Variants in DPH6 observed in about 807,000 individuals in gnomAD.
The protein encoded by DPH6 is diphthamine biosynthesis 6.
In DPH6, 33 loss-of-function variants were observed where a neutral mutation model predicts 38.2. The ratio of observed to expected loss-of-function variants is 0.86; its 90% CI spans 0.65 to 1.15. The LOEUF (loss-of-function observed/expected upper bound fraction) is 1.15, where lower values mean the gene tolerates loss of function less well. Among genes scored for constraint, DPH6 ranks in the 50% most tolerant of loss-of-function variants. The pLI, the probability that DPH6 is intolerant of heterozygous loss-of-function variation, is 0.00. For synonymous variants in DPH6, 108 were observed against 103.0 expected (o/e 1.05, Z -0.30); for missense variants, 325 against 320.0 (o/e 1.02, Z -0.12).
chr15:35,534,348 G>A (rs1365911281), intron 3 of DPH6, among the ~76,000 whole-genome samples: 5 of 138,872 alleles, frequency 3.6e-5, no homozygotes, highest in Admixed American at 7.8e-5. Context: ...TTGCTCTCCA[G>A]CCTGGGCAAC....
chr15:35,164,205 T>G, the DPH6 span, among the ~76,000 whole-genome samples: 1 of 151,862 alleles, frequency 6.6e-6, no homozygotes, highest in African/African-American at 2.4e-5. Context: ...GTTGTTTGAT[T>G]GGACTCTTTG....
intron 3 of DPH6, among the ~76,000 whole-genome samples, chr15:35,496,563 A>ATATATATATATAT (rs1555406393): frequency 3.8e-3 from 60 of 15,986 alleles, no homozygotes; most frequent in South Asian, 0.014. Context: ...CTCAAAAAAA[A>ATATATATATATAT]AAAAATATAT....
At chr15:35,246,131 G>A (rs1423403472) in intron 3 of DPH6, among the ~76,000 whole-genome samples, 1 of 151,898 alleles carries the variant, frequency 6.6e-6, no homozygotes, top group Non-Finnish European at 1.5e-5. Context: ...CCTATAAAAC[G>A]GCCCCACCCC....
At chr15:35,536,983 A>G (rs1259597023) in intron 3 of DPH6, among the ~76,000 whole-genome samples, 1 of 152,090 alleles carries the variant, frequency 6.6e-6, no homozygotes, top group Non-Finnish European at 1.5e-5. Context: ...TTCTTATGCT[A>G]TCTATAACTA....
chr15:35,161,733 T>C, the DPH6 span, among the ~76,000 whole-genome samples: 1 of 151,880 alleles, frequency 6.6e-6, no homozygotes, highest in Admixed American at 6.6e-5. Context: ...TCTTTCTCTC[T>C]CTGCCATGTG....
chr15:35,515,722 GA>G (rs61568573), intron 3 of DPH6, among the ~76,000 whole-genome samples: 9,435 of 77,692 alleles, frequency 0.12, 597 homozygotes, highest in African/African-American at 0.26. Context: ...CTCCGTCTCA[GA>G]AAAAAAAAAA....
chr15:35,167,068 T>C, the DPH6 span, among the ~76,000 whole-genome samples: 106,402 of 151,874 alleles, frequency 0.7, 38,037 homozygotes, highest in Middle Eastern at 0.8. Flanking sequence ...TATACCCAGA[T>C]TAGGGAAATC....
intron 3 of DPH6, among the ~76,000 whole-genome samples, chr15:35,537,020 G>A (rs74385957): frequency 3.3e-5 from 5 of 151,840 alleles, no homozygotes; most frequent in African/African-American, 1.2e-4. Flanking sequence ...ACTACTCTAA[G>A]GGTTTTTCTT....
chr15:35,311,120 T>C (rs1413980232), intron 3 of DPH6, among the ~76,000 whole-genome samples: 1 of 151,258 alleles, frequency 6.6e-6, no homozygotes, highest in Non-Finnish European at 1.5e-5. Context: ...TAAGTTATAC[T>C]AAAAGAGATT....
chr15:35,198,111 T>A, the DPH6 span, among the ~76,000 whole-genome samples: 1 of 151,880 alleles, frequency 6.6e-6, no homozygotes, highest in Non-Finnish European at 1.5e-5. Context: ...TTAGTGAGTA[T>A]GCAATATGAT....
chr15:35,423,497 C>T (rs923891812), intron 5 of DPH6, among the ~76,000 whole-genome samples: 4 of 151,596 alleles, frequency 2.6e-5, no homozygotes, highest in Non-Finnish European at 3.0e-5. Context: ...CCCCAGGTTG[C>T]CTTTTCACTC....
At chr15:35,296,122 G>T (rs2052013073) in intron 3 of DPH6, among the ~76,000 whole-genome samples, 1 of 151,930 alleles carries the variant, frequency 6.6e-6, no homozygotes, top group Non-Finnish European at 1.5e-5. Flanking sequence ...TGTATTTTTA[G>T]TAGAGATGGG....
intron 3 of DPH6, among the ~76,000 whole-genome samples, chr15:35,525,722 C>A (rs1006021386): frequency 1.3e-5 from 2 of 152,074 alleles, no homozygotes; most frequent in Non-Finnish European, 2.9e-5. Flanking sequence ...CACCTGTAGT[C>A]CCAGATATGC....
chr15:35,437,493 A>C (rs1375316983), intron 5 of DPH6, among the ~76,000 whole-genome samples: 1 of 152,176 alleles, frequency 6.6e-6, no homozygotes, highest in African/African-American at 2.4e-5. Context: ...CAAAAGAGTA[A>C]ACTTTTTTCT....
intron 3 of DPH6, among the ~76,000 whole-genome samples, chr15:35,224,100 GTTTTTTTTTTT>G (rs142813866): frequency 0.026 from 2,323 of 89,016 alleles, 71 homozygotes; most frequent in African/African-American, 0.088. Context: ...CATGATTTTA[GTTTTTTTTTTT>G]TTTTTTTTTT....
intron 3 of DPH6, among the ~76,000 whole-genome samples, chr15:35,458,267 T>C (rs1029243412): frequency 6.6e-6 from 1 of 152,120 alleles, no homozygotes; most frequent in Non-Finnish European, 1.5e-5. Flanking sequence ...CTCTTTCATT[T>C]TGATGGACAA....
intron 3 of DPH6, among the ~76,000 whole-genome samples, chr15:35,259,117 C>A (rs945238330): frequency 2.0e-5 from 3 of 148,690 alleles, no homozygotes; most frequent in Admixed American, 6.8e-5. Context: ...TACACTCCAG[C>A]CTGGGGGACA....
chr15:35,157,631 C>G, the DPH6 span, among the ~76,000 whole-genome samples: 4 of 152,026 alleles, frequency 2.6e-5, no homozygotes, highest in African/African-American at 9.7e-5. Context: ...TGTTGAGGCT[C>G]CCTCTTGCTC....
intron 5 of DPH6, among the ~76,000 whole-genome samples, chr15:35,417,008 T>C (rs961515623): frequency 6.6e-6 from 1 of 152,018 alleles, no homozygotes; most frequent in African/African-American, 2.4e-5. Context: ...GATATAGAAG[T>C]TTCCTCAAGA....
Sources: gnomAD v4.1 joint callset for allele counts (sites outside exome capture counted in the v4.1 genomes callset) on GRCh38, gnomAD v4.1.1 for gene constraint, MANE v1.5 for transcripts, NCBI Gene and HGNC (gene_info 2026-07-23, HGNC 2026-07-21) for gene names.